The following GRM8 variants were observed in gnomAD, a reference collection of about 807,000 sequenced individuals.
GRM8 encodes glutamate metabotropic receptor 8, also known as metabotropic glutamate receptor 8.
A neutral mutation model predicts 87.2 loss-of-function variants in GRM8; 47 were observed. That is an observed-to-expected ratio of 0.54 (90% confidence interval 0.43 to 0.69). The LOEUF is 0.69. Ranked by LOEUF, GRM8 falls within the 30% of genes least tolerant of loss-of-function variation. The pLI is 0.00. For missense variants in GRM8, 1,019 were observed against 1,139.2 expected (o/e 0.89, Z 1.52); for synonymous variants, 396 against 404.5 (o/e 0.98, Z 0.25).
In GRM8 at chr7:126,892,312, G is replaced by C. The variant is rs537822534; in HGVS notation, c.1156+10230C>G. On this transcript the variant is annotated intron_variant, in intron 6 of 10. Coordinates refer to ENST00000339582, the MANE Select transcript of GRM8 (RefSeq NM_000845.3). ...TCCCCAAACCCCACAACGGTCCCCA[G>C]AGTGTGATGTTCCCCTTCCTGTGTC... Among the ~76,000 whole-genome samples the C allele has an allele frequency of 2.0e-5, 3 of 152,072 alleles. No homozygotes were observed. In the South Asian group the frequency reaches 6.2e-4, roughly 32 times the overall value.
At chr7:126,935,537 G>C (rs1268637623) in intron 3 of GRM8, among the ~76,000 whole-genome samples, 1 of 152,170 alleles carries the variant, frequency 6.6e-6, no homozygotes, top group Non-Finnish European at 1.5e-5. Flanking sequence ...TGTGGACATG[G>C]GGGAGGAGAA....
chr7:127,231,694 G>A (rs866132138), intron 2 of GRM8, among the ~76,000 whole-genome samples: 11 of 152,108 alleles, frequency 7.2e-5, no homozygotes, highest in Admixed American at 2.0e-4. Flanking sequence ...TCTTCATCTG[G>A]TGCAGGCCTG....
chr7:126,522,142 T>C lies in GRM8; in HGVS notation c.2430+10810A>G, dbSNP rs371822971. ...AACCTTGTAGCAGCCCCAAAGAAGGTTGCACATTACAAGCACAATCACATG... is the reference window on the plus strand; with the variant it reads ...AACCTTGTAGCAGCCCCAAAGAAGGCTGCACATTACAAGCACAATCACATG... On this transcript the variant is annotated intron_variant, in intron 9 of 10. Transcript: ENST00000339582. Among the ~76,000 whole-genome samples the C allele has an allele frequency of 3.9e-4, 59 of 152,190 alleles. No homozygotes were observed. The South Asian group carries it at 0.012, about 32-fold the overall frequency.
intron 6 of GRM8, among the ~76,000 whole-genome samples, chr7:126,862,552 A>T (rs1798224242): frequency 6.6e-6 from 1 of 152,028 alleles, no homozygotes; most frequent in Non-Finnish European, 1.5e-5. Context: ...ACTTTATTGC[A>T]TAGGCTAGGA....
chr7:126,827,925 T>C (rs1412635378), intron 6 of GRM8, among the ~76,000 whole-genome samples: 3 of 152,096 alleles, frequency 2.0e-5, no homozygotes, highest in Non-Finnish European at 4.4e-5. Flanking sequence ...GCATGAAGGG[T>C]TGTTGAATTT....
chr7:126,704,018 A>C (rs745458368), intron 7 of GRM8, among the ~76,000 whole-genome samples: 16 of 152,132 alleles, frequency 1.1e-4, no homozygotes, highest in Non-Finnish European at 2.2e-4. Context: ...CTATACTACC[A>C]GCAAATGATT....
intron 8 of GRM8, 157 bp from the exon 9 acceptor site, chr7:126,534,044 T>C (rs1815292256): frequency 1.6e-6 from 1 of 619,594 alleles, no homozygotes; most frequent in East Asian, 2.7e-5. Flanking sequence ...ATTGACTTTA[T>C]GAAAGTGTTA....
At position 126,533,258 on chromosome 7, in the gene GRM8, A is replaced by C; in HGVS notation, c.2124T>G (p.Leu708=). The part of the protein sequence containing the change: ...ITFSLISVQL[L]GVFVWFVVDP... ...CCACAACAAACCAGACAAACACTCC[A>C]AGGAGCTGGACGGAGATGAGGCTGA... The change falls in exon 9 of 11, where the codon CTT becomes CTG. Residue 708 remains leucine, a synonymous_variant. Transcript: ENST00000339582. 1 of 1,613,660 alleles carries C rather than the reference A, an allele frequency of 6.2e-7. No homozygotes were observed.
At chr7:126,886,023 A>G (rs1165634822) in intron 6 of GRM8, among the ~76,000 whole-genome samples, 1 of 152,136 alleles carries the variant, frequency 6.6e-6, no homozygotes, top group Non-Finnish European at 1.5e-5. Flanking sequence ...TGTAATTTTC[A>G]TCACAACCAC....
intron 3 of GRM8, among the ~76,000 whole-genome samples, chr7:127,067,362 C>CT (rs1305159094): frequency 6.6e-6 from 1 of 152,096 alleles, no homozygotes; most frequent in Non-Finnish European, 1.5e-5. Context: ...GTGCCGTATT[C>CT]TTTTTTTAAA....
chr7:126,610,896 C>T (rs1054255177), intron 7 of GRM8, among the ~76,000 whole-genome samples: 4 of 152,190 alleles, frequency 2.6e-5, no homozygotes, highest in Admixed American at 2.6e-4. Context: ...CAAGAGATGG[C>T]ACCGCATGGA....
At chr7:126,971,173 A>C (rs966927690) in intron 3 of GRM8, among the ~76,000 whole-genome samples, 2 of 151,028 alleles carry the variant, frequency 1.3e-5, no homozygotes, top group African/African-American at 2.4e-5. Context: ...AAAAAAAAAA[A>C]AAAAAAAAAA....
intron 3 of GRM8, among the ~76,000 whole-genome samples, chr7:127,073,869 A>C (rs545418289): frequency 1.3e-5 from 2 of 152,320 alleles, no homozygotes; most frequent in East Asian, 3.9e-4. Context: ...GTTGAATATG[A>C]GTCATTGGCT....
At position 126,446,123 on chromosome 7, in the gene GRM8, T is replaced by C. The variant is rs375571552; in HGVS notation, c.2677+3A>G. The C allele has an allele frequency of 2.7e-5, 44 of 1,612,452 alleles. No homozygotes were observed. Among genetic ancestry groups the C allele is most frequent in the African/African-American group, 4.0e-5 (3 of 74,820 alleles). On this transcript the variant is annotated splice_donor_region_variant and intron_variant, in intron 10 of 10. Coordinates refer to ENST00000339582, the MANE Select transcript of GRM8 (RefSeq NM_000845.3). ...ACCATCGGAAACTCTACAGATGACT[T>C]ACTGTTGGTTTCAAGACTCTCACAG...
chr7:126,732,034 A>G (rs1585704380), intron 7 of GRM8, among the ~76,000 whole-genome samples: 1 of 152,182 alleles, frequency 6.6e-6, no homozygotes, highest in East Asian at 1.9e-4. Context: ...ATGGAAAGCT[A>G]CCATATTGAC....
intron 8 of GRM8, among the ~76,000 whole-genome samples, chr7:126,537,923 A>G (rs1241078820): frequency 6.6e-6 from 1 of 152,242 alleles, no homozygotes; most frequent in African/African-American, 2.4e-5. Context: ...CATTATAAGT[A>G]TAAAGAGATG....
At chr7:126,728,206 C>T (rs952808703) in intron 7 of GRM8, among the ~76,000 whole-genome samples, 3 of 152,154 alleles carry the variant, frequency 2.0e-5, no homozygotes, top group Non-Finnish European at 4.4e-5. Flanking sequence ...GACTGCAGCA[C>T]ATGGGTAGCA....
chr7:126,701,361 T>C (rs1417823375), intron 7 of GRM8, among the ~76,000 whole-genome samples: 3 of 152,172 alleles, frequency 2.0e-5, no homozygotes, highest in Non-Finnish European at 4.4e-5. Context: ...CCAATGATTA[T>C]ATATGTTAAA....
intron 9 of GRM8, among the ~76,000 whole-genome samples, chr7:126,532,327 A>G (rs1814942911): frequency 6.6e-6 from 1 of 152,218 alleles, no homozygotes; most frequent in Non-Finnish European, 1.5e-5. Context: ...CCACATATGA[A>G]AAAGTAACAA....
Sources: allele counts gnomAD v4.1 joint callset (sites outside exome capture counted in the v4.1 genomes callset), GRCh38; gene constraint gnomAD v4.1.1; transcripts MANE v1.5; gene names NCBI Gene and HGNC (gene_info 2026-07-23, HGNC 2026-07-21).